Variants in CDH13 observed in about 807,000 individuals in gnomAD.
The protein encoded by CDH13 is cadherin 13.
A neutral mutation model predicts 63.8 loss-of-function variants in CDH13; 24 were observed. That is an observed-to-expected ratio of 0.38 (90% CI 0.27 to 0.53). The LOEUF (loss-of-function observed/expected upper bound fraction) is 0.53. Ranked by LOEUF, CDH13 falls within the 20% of genes least tolerant of loss-of-function variation. The pLI, the probability that CDH13 is intolerant of heterozygous loss-of-function variation, is 0.85. For synonymous variants in CDH13, 503 were observed against 355.3 expected (o/e 1.42, Z -4.67); for missense variants, 1,049 against 903.1 (o/e 1.16, Z -2.07).
intron 2 of CDH13, among the ~76,000 whole-genome samples, chr16:82,915,760 C>G (rs2041967478): frequency 6.6e-6 from 1 of 151,274 alleles, no homozygotes; most frequent in Admixed American, 6.6e-5. Context: ...TGATTCTTCC[C>G]TTGGATTTGC....
intron 1 of CDH13, among the ~76,000 whole-genome samples, chr16:82,732,581 T>C (rs1340944394): frequency 6.6e-6 from 1 of 152,196 alleles, no homozygotes. Context: ...TAAAAGAGAT[T>C]TATCCCTCTT....
chr16:82,915,372 C>G (rs967616397), intron 2 of CDH13, among the ~76,000 whole-genome samples: 2 of 152,168 alleles, frequency 1.3e-5, no homozygotes, highest in Non-Finnish European at 2.9e-5. Flanking sequence ...AACTTGACTC[C>G]AAGGGCCAAA....
chr16:82,785,657 C>T (rs911853960), intron 1 of CDH13, among the ~76,000 whole-genome samples: 6 of 152,156 alleles, frequency 3.9e-5, no homozygotes, highest in African/African-American at 1.2e-4. Flanking sequence ...AGTAAAACCA[C>T]CCATGGATTC....
chr16:83,349,967 A>G (rs1404847530), intron 6 of CDH13, among the ~76,000 whole-genome samples: 1 of 152,124 alleles, frequency 6.6e-6, no homozygotes, highest in Non-Finnish European at 1.5e-5. Flanking sequence ...TGGGGAGCTC[A>G]AGGAAATGAC....
intron 1 of CDH13, among the ~76,000 whole-genome samples, chr16:82,642,787 C>T (rs1909577337): frequency 6.6e-6 from 1 of 152,178 alleles, no homozygotes; most frequent in African/African-American, 2.4e-5. Flanking sequence ...GCTTCAGATG[C>T]ATTAATCAGC....
At position 83,233,080 on chromosome 16, in the gene CDH13, T is replaced by C. The variant is rs371540032; in HGVS notation, c.636+15583T>C. The stretch of plus-strand genomic sequence containing the variant: ...TCCAGATTGGCGGCAGGGCCAGCTT[T>C]AGGTCCCTTGAGATTGTCTGCATCC... On this transcript the variant is annotated intron_variant, in intron 5 of 13. Transcript: ENST00000567109. Among the ~76,000 whole-genome samples, 49 of 152,274 alleles carry C rather than the reference T, an allele frequency of 3.2e-4. No individual in the cohort carries two copies. In the East Asian group the frequency reaches 7.3e-3, roughly 23 times the overall value.
intron 7 of CDH13, among the ~76,000 whole-genome samples, chr16:83,529,789 AG>A (rs1432682789): frequency 1.3e-5 from 2 of 152,242 alleles, no homozygotes; most frequent in Non-Finnish European, 2.9e-5. Flanking sequence ...ATTTTAAAAA[AG>A]ATGAAAATAA....
chr16:82,820,068 A>G (rs895765699), intron 1 of CDH13, among the ~76,000 whole-genome samples: 2 of 152,166 alleles, frequency 1.3e-5, no homozygotes, highest in Admixed American at 6.5e-5. Context: ...TGCACATGTC[A>G]TTAATGTGAA....
In CDH13 at chr16:83,379,903, T is replaced by TTA. The variant is rs200294491; in HGVS notation, c.781+34903_781+34904dup. Among the ~76,000 whole-genome samples, 1,150 of 126,948 alleles carry TTA rather than the reference T, an allele frequency of 9.1e-3. 23 individuals carry two copies. The highest frequency in any genetic ancestry group is 0.022 in the African/African-American group (727 of 32,788). The allele number at this position is 126,948 out of a possible 152,430, so 83.3% of individuals were successfully genotyped here. A position where few individuals can be genotyped will look rare whatever the true frequency, so the allele number is the denominator to read the frequency against. On this transcript the variant is annotated intron_variant, in intron 6 of 13. Transcript: ENST00000567109. The stretch of plus-strand genomic sequence containing the variant: ...ATGTGTGTGTATATAGATATATGTA[T>TTA]TATATATGTGTGTGTGTATATATAT...
intron 6 of CDH13, among the ~76,000 whole-genome samples, chr16:83,436,160 C>G (rs2072295081): frequency 6.6e-6 from 1 of 152,116 alleles, no homozygotes; most frequent in Non-Finnish European, 1.5e-5. Context: ...ATGCCCTGCT[C>G]TAGAAACTGC....
rs960711450 is a variant in CDH13, at chr16:83,299,428, C to T, written c.637-45434C>T. Among the ~76,000 whole-genome samples the T allele has an allele frequency of 2.6e-5, 4 of 152,216 alleles. No individual in the cohort carries two copies. The East Asian group carries it at 7.7e-4, about 29-fold the overall frequency. On this transcript the variant is annotated intron_variant, in intron 5 of 13. Transcript: ENST00000567109. ...ACTCCTCATGCTTGCAGCACATACA[C>T]TCTTGCTATCCTCATTCTCTCTAGG...
chr16:83,464,895 G>A (rs756666060), intron 6 of CDH13, among the ~76,000 whole-genome samples: 6 of 152,076 alleles, frequency 3.9e-5, no homozygotes, highest in African/African-American at 1.2e-4. Context: ...TCCCTGCCTC[G>A]GCCTCCCAAA....
At chr16:83,094,969 G>A (rs536022007) in intron 3 of CDH13, among the ~76,000 whole-genome samples, 20 of 152,322 alleles carry the variant, frequency 1.3e-4, no homozygotes, top group Admixed American at 3.9e-4. Context: ...GTGTGAGCTT[G>A]AGGTCCTATT....
At chr16:82,763,986 A>G (rs976716059) in intron 1 of CDH13, among the ~76,000 whole-genome samples, 7 of 152,160 alleles carry the variant, frequency 4.6e-5, no homozygotes, top group African/African-American at 1.4e-4. Context: ...CCTGGATTTG[A>G]AAAGGAAAGG....
chr16:83,433,479 A>G (rs2072191892), intron 6 of CDH13, among the ~76,000 whole-genome samples: 1 of 152,224 alleles, frequency 6.6e-6, no homozygotes, highest in African/African-American at 2.4e-5. Context: ...CAATGACCCC[A>G]TGTAAAGAGC....
intron 10 of CDH13, among the ~76,000 whole-genome samples, 161 bp from the exon 11 acceptor site, chr16:83,747,947 C>T (rs1912739835): frequency 1.3e-5 from 2 of 151,958 alleles, no homozygotes; most frequent in Non-Finnish European, 2.9e-5. Context: ...AGTCAGTGGC[C>T]TCTTGACTTT....
In CDH13 at chr16:83,527,207, T is replaced by C. The variant is rs1033085477; in HGVS notation, c.960+40552T>C. Among the ~76,000 whole-genome samples, 91 of 151,854 alleles carry C rather than the reference T, an allele frequency of 6.0e-4. 2 individuals carry two copies. The highest frequency in any genetic ancestry group is 6.0e-3 in the Admixed American group (91 of 15,252). On this transcript the variant is annotated intron_variant, in intron 7 of 13. Coordinates refer to ENST00000567109, the MANE Select transcript of CDH13 (RefSeq NM_001257.5). ...GCTCACACCTGTAATCTCAGTGCTT[T>C]GGGAGGCTGAGGCAGGCAGATCACG...
At chr16:83,033,113 G>T (rs561627294) in intron 3 of CDH13, among the ~76,000 whole-genome samples, 1 of 152,006 alleles carries the variant, frequency 6.6e-6, no homozygotes, top group African/African-American at 2.4e-5. Flanking sequence ...CATACATATG[G>T]TATATGTGCA....
chr16:82,746,950 G>C (rs995543071), intron 1 of CDH13, among the ~76,000 whole-genome samples: 1 of 152,160 alleles, frequency 6.6e-6, no homozygotes, highest in Non-Finnish European at 1.5e-5. Context: ...TTATATTCCT[G>C]ACAGTGAAAA....
Sources: allele counts gnomAD v4.1 joint callset (sites outside exome capture counted in the v4.1 genomes callset), GRCh38; gene constraint gnomAD v4.1.1; transcripts MANE v1.5; gene names NCBI Gene and HGNC (gene_info 2026-07-23, HGNC 2026-07-21).